Variants in ADAM10 observed in about 807,000 individuals in gnomAD.
The protein encoded by ADAM10 is disintegrin and metalloproteinase domain-containing protein 10.
Under a neutral mutation model 90.1 loss-of-function variants are expected in ADAM10, and 17 were observed. The observed-to-expected ratio is 0.19, with a 90% CI of 0.13 to 0.28. The LOEUF (loss-of-function observed/expected upper bound fraction) is 0.28. ADAM10 is among the 10% of genes least tolerant of loss of function. The pLI, the probability that ADAM10 is intolerant of heterozygous loss-of-function variation, is 1.00. For missense variants in ADAM10, 610 were observed against 914.3 expected (o/e 0.67, Z 4.29); for synonymous variants, 310 against 298.6 (o/e 1.04, Z -0.40).
chr15:58,693,129 T>A (rs1296695556), intron 2 of ADAM10: 1 of 738,036 alleles, frequency 1.4e-6, no homozygotes, highest in Non-Finnish European at 2.6e-6. Flanking sequence ...GAGACATGAG[T>A]TGGGCAATTT....
rs1894925514 is a variant in ADAM10, at chr15:58,595,440, C to T, written c.*2107G>A. On this transcript the variant is annotated 3_prime_UTR_variant, in exon 16 of 16. Coordinates refer to ENST00000260408, the MANE Select transcript of ADAM10 (RefSeq NM_001110.4). ...TAATGCATTTCAAGTTTCAAAAAAC[C>T]TTACATCTTTGCACAATACTTTATT... 6.6e-6 allele frequency: 1 copy of T among 152,064 alleles called. No individual in the cohort carries two copies. The highest frequency in any genetic ancestry group is 1.5e-5 in the Non-Finnish European group (1 of 67,974). 9.4% of individuals were successfully genotyped at this position (152,064 alleles called of 1,614,324 possible). A position where few individuals can be genotyped will look rare whatever the true frequency, so the allele number is the denominator to read the frequency against.
intron 5 of ADAM10, among the ~76,000 whole-genome samples, chr15:58,663,534 C>T (rs544600528): frequency 1.6e-4 from 25 of 152,234 alleles, no homozygotes; most frequent in African/African-American, 5.8e-4. Flanking sequence ...ATGGGCCCTA[C>T]TTCTTCTTAG....
chr15:58,730,931 C>A (rs1420576008), intron 1 of ADAM10, among the ~76,000 whole-genome samples: 1 of 152,216 alleles, frequency 6.6e-6, no homozygotes, highest in African/African-American at 2.4e-5. Flanking sequence ...TTCCCTGGTT[C>A]CCAGACATTA....
chr15:58,604,832 T>A (rs1295755854), intron 14 of ADAM10, among the ~76,000 whole-genome samples: 1 of 152,168 alleles, frequency 6.6e-6, no homozygotes, highest in African/African-American at 2.4e-5. Flanking sequence ...ACTGCAGCCT[T>A]GCCCTCCTGG....
chr15:58,679,149 A>T lies in ADAM10; in HGVS notation c.459T>A (p.Ser153=), dbSNP rs1425044897. 1 of 1,613,956 alleles carries T rather than the reference A, an allele frequency of 6.2e-7. No individual in the cohort carries two copies. Among genetic ancestry groups the T allele is most frequent in the Middle Eastern group, 1.7e-4 (1 of 6,056 alleles). ...TAATATCATCTTCATGATAAATGAC[A>T]GAGTGAAATGGCAGAGTTCGGTCTT... The part of the protein sequence containing the change: ...YIKDRTLPFH[S]VIYHEDDINY... Residue 153 remains serine (S), a synonymous_variant, in exon 4 of 16, where the codon TCT becomes TCA. Coordinates refer to ENST00000260408, the MANE Select transcript of ADAM10 (RefSeq NM_001110.4).
chr15:58,660,964 T>A (rs1370653128), intron 5 of ADAM10, among the ~76,000 whole-genome samples: 1 of 152,260 alleles, frequency 6.6e-6, no homozygotes, highest in African/African-American at 2.4e-5. Context: ...AAAGCAAACA[T>A]CTGGCCCACA....
At position 58,681,481 on chromosome 15, in the gene ADAM10, TCAAA is replaced by T. The variant is rs142615063; in HGVS notation, c.325+711_325+714del. ...AGAAATCACTCGTGTAGAAATAATC[TCAAA>T]CAGTTTAACACTGTCTTAAGTGAGA... On this transcript the variant is annotated intron_variant, in intron 3 of 15. Coordinates refer to ENST00000260408, the MANE Select transcript of ADAM10 (RefSeq NM_001110.4). Among the ~76,000 whole-genome samples the T allele has an allele frequency of 5.4e-3, 822 of 152,332 alleles. 2 individuals are homozygous for T. Among genetic ancestry groups the T allele is most frequent in the African/African-American group, 0.019 (776 of 41,570 alleles).
chr15:58,686,072 A>G (rs1202081135), intron 2 of ADAM10, among the ~76,000 whole-genome samples: 1 of 152,194 alleles, frequency 6.6e-6, no homozygotes, highest in African/African-American at 2.4e-5. Context: ...AGGAAGGTGC[A>G]ACAATGAGAA....
intron 1 of ADAM10, among the ~76,000 whole-genome samples, chr15:58,734,441 A>G (rs759296442): frequency 4.6e-5 from 7 of 152,238 alleles, no homozygotes; most frequent in African/African-American, 9.6e-5. Flanking sequence ...GATGAGTCGA[A>G]TTACCTTCAT....
intron 1 of ADAM10, among the ~76,000 whole-genome samples, chr15:58,718,152 TA>T (rs1200515537): frequency 5.3e-5 from 8 of 151,722 alleles, no homozygotes; most frequent in Admixed American, 2.6e-4. Flanking sequence ...AAAAATAAAA[TA>T]AAAATAAATA....
At chr15:58,602,022 T>C (rs1306502363) in intron 14 of ADAM10, among the ~76,000 whole-genome samples, 4 of 152,212 alleles carry the variant, frequency 2.6e-5, no homozygotes, top group Non-Finnish European at 4.4e-5. Flanking sequence ...TTACCATGAT[T>C]CTTGTTTCTC....
intron 4 of ADAM10, among the ~76,000 whole-genome samples, chr15:58,673,101 C>A (rs1166690194): frequency 1.3e-5 from 2 of 152,050 alleles, no homozygotes; most frequent in African/African-American, 4.8e-5. Context: ...GATAGCCCAT[C>A]CTTGACAGTC....
intron 13 of ADAM10, 165 bp from the exon 14 acceptor site, chr15:58,610,682 C>A: frequency 1.4e-6 from 1 of 727,214 alleles, no homozygotes. Flanking sequence ...ATCAGTAATT[C>A]ATATTAAATG....
At chr15:58,691,639 C>T in intron 2 of ADAM10, 2 of 414,938 alleles carry the variant, frequency 4.8e-6, no homozygotes, top group Non-Finnish European at 9.5e-6. Flanking sequence ...TTGTCTTCTG[C>T]CAGCCCAGAG....
intron 4 of ADAM10, chr15:58,676,138 C>T (rs1305949710): frequency 8.4e-6 from 3 of 358,608 alleles, no homozygotes. Context: ...TTTAGAGAGG[C>T]TTACAGATTT....
intron 5 of ADAM10, among the ~76,000 whole-genome samples, chr15:58,652,053 G>A (rs942816427): frequency 2.6e-5 from 4 of 152,002 alleles, no homozygotes; most frequent in African/African-American, 7.2e-5. Context: ...TCTTCTTTTA[G>A]GAAATGTCTA....
intron 5 of ADAM10, among the ~76,000 whole-genome samples, chr15:58,659,950 G>T (rs146213326): frequency 0.01 from 1,580 of 152,214 alleles, 29 homozygotes; most frequent in African/African-American, 0.036. Context: ...GGAAGGTCTC[G>T]ATCTCCTGAT....
At chr15:58,643,747 A>G in intron 7 of ADAM10, 139 bp downstream of exon 7, 1 of 706,996 alleles carries the variant, frequency 1.4e-6, no homozygotes. Context: ...CAGGAGTAAA[A>G]AACTGCATCA....
Position 58,711,414 on chromosome 15 carries a change from G to C in ADAM10, c.206+6163C>G, listed in dbSNP as rs185598433. The stretch of plus-strand genomic sequence containing the variant: ...AAATATTATCTTGTCTAAACTTCAA[G>C]GTTTTACTAATGAGGAAACTGAGGC... On this transcript the variant is annotated intron_variant, in intron 2 of 15. Transcript: ENST00000260408. Among the ~76,000 whole-genome samples the C allele has an allele frequency of 5.5e-3, 830 of 152,190 alleles. 4 individuals carry two copies. The highest frequency in any genetic ancestry group is 0.014 in the Middle Eastern group (4 of 294).
Sources: allele counts gnomAD v4.1 joint callset (sites outside exome capture counted in the v4.1 genomes callset), GRCh38; gene constraint gnomAD v4.1.1; transcripts MANE v1.5; gene names NCBI Gene and HGNC (gene_info 2026-07-23, HGNC 2026-07-21).